The following COPS3 variants were observed in gnomAD, a reference collection of about 807,000 sequenced individuals.
COPS3 encodes the protein COP9 signalosome subunit 3.
Under a neutral mutation model 58.2 loss-of-function variants are expected in COPS3, and 10 were observed. The observed-to-expected ratio is 0.17, with a 90% CI of 0.11 to 0.29. The LOEUF is 0.29. Ranked by LOEUF, COPS3 falls within the 10% of genes least tolerant of loss-of-function variation. The pLI, the probability that COPS3 is intolerant of heterozygous loss-of-function variation, is 1.00. For missense variants in COPS3, 333 were observed against 510.1 expected, an observed-to-expected ratio of 0.65 and a Z score of 3.34; for synonymous variants, 187 against 181.7, an observed-to-expected ratio of 1.03 and a Z score of -0.24.
chr17:17,273,192 A>G (rs2048388727), intron 2 of COPS3, among the ~76,000 whole-genome samples: 1 of 152,202 alleles, frequency 6.6e-6, no homozygotes, highest in Non-Finnish European at 1.5e-5. Flanking sequence ...ATGTGTCCGG[A>G]GCAGAGTTTA....
intron 8 of COPS3, among the ~76,000 whole-genome samples, chr17:17,258,695 G>T (rs1597671667): frequency 6.6e-6 from 1 of 152,078 alleles, no homozygotes; most frequent in Admixed American, 6.6e-5. Flanking sequence ...GGGCCAAAAA[G>T]AAAATTTTAT....
intron 8 of COPS3, among the ~76,000 whole-genome samples, chr17:17,256,953 C>G (rs1181295474): frequency 1.3e-5 from 2 of 151,990 alleles, no homozygotes; most frequent in African/African-American, 4.8e-5. Flanking sequence ...AGAATAGTAC[C>G]CAAGAAATTG....
At chr17:17,272,308 A>T (rs1295798223) in intron 2 of COPS3, among the ~76,000 whole-genome samples, 2 of 151,978 alleles carry the variant, frequency 1.3e-5, no homozygotes, top group Non-Finnish European at 2.9e-5. Flanking sequence ...CTGTAATCCC[A>T]CCTATTTGGG....
chr17:17,277,688 G>C (rs2048489739), intron 1 of COPS3, among the ~76,000 whole-genome samples: 8 of 152,138 alleles, frequency 5.3e-5, no homozygotes, highest in Admixed American at 5.2e-4. Context: ...CCAAAGTGCT[G>C]GGATTAGAGG....
intron 1 of COPS3, among the ~76,000 whole-genome samples, chr17:17,276,434 C>T (rs2048463071): frequency 1.1e-5 from 1 of 88,174 alleles, no homozygotes; most frequent in South Asian, 3.9e-4. Flanking sequence ...TCTCCCAAGC[C>T]AGAAATGCAC....
At chr17:17,265,193 G>C (rs544291821) in intron 5 of COPS3, among the ~76,000 whole-genome samples, 1 of 152,266 alleles carries the variant, frequency 6.6e-6, no homozygotes, top group East Asian at 1.9e-4. Flanking sequence ...AATATTTGCA[G>C]AATACATACC....
intron 7 of COPS3, 62 bp downstream of exon 7, chr17:17,261,904 T>C: frequency 1.4e-6 from 2 of 1,427,364 alleles, no homozygotes. Flanking sequence ...ACTGTATCAT[T>C]GCAATTTCTT....
rs200374983 is a variant in COPS3, at chr17:17,249,068, A to G, written c.1024-29T>C. 1.1e-4 allele frequency: 158 copies of G among 1,377,474 alleles called. No homozygotes were observed. The African/African-American group carries it at 2.0e-3, about 18-fold the overall frequency. The allele number at this position is 1,377,474 out of a possible 1,614,324, so 85.3% of individuals were successfully genotyped here. ...CAGAAAGAAAAAAAAAAAAATCAGG[A>G]AAGCAGTTTAGACCTGAATGCTATA... is the stretch of plus-strand genomic sequence containing the variant. On this transcript the variant is annotated intron_variant, in intron 9 of 11. Transcript: ENST00000268717.
At chr17:17,261,462 G>A in intron 7 of COPS3, 1 of 231,352 alleles carries the variant, frequency 4.3e-6, no homozygotes, top group Admixed American at 5.5e-5. Flanking sequence ...GGAGGCAGAG[G>A]TTGCAGTGAG....
intron 2 of COPS3, among the ~76,000 whole-genome samples, chr17:17,275,347 A>G (rs1240732911): frequency 6.6e-6 from 1 of 151,944 alleles, no homozygotes; most frequent in East Asian, 1.9e-4. Context: ...TCTGCCTCCC[A>G]AAATGTTGGG....
At chr17:17,274,127 G>A (rs1017102806) in intron 2 of COPS3, among the ~76,000 whole-genome samples, 2 of 152,204 alleles carry the variant, frequency 1.3e-5, no homozygotes, top group African/African-American at 4.8e-5. Context: ...GTTTACCGTT[G>A]TATATGTTAG....
chr17:17,250,782 T>TGCAC (rs1171651333), intron 9 of COPS3, among the ~76,000 whole-genome samples: 1 of 152,238 alleles, frequency 6.6e-6, no homozygotes, highest in Non-Finnish European at 1.5e-5. Context: ...CCTACTTGTC[T>TGCAC]CTAGCTTTGG....
chr17:17,264,793 A>G lies in COPS3; in HGVS notation c.621+9T>C, dbSNP rs1450559470. 6 of 1,591,804 alleles carry G rather than the reference A, an allele frequency of 3.8e-6. No individual in the cohort carries two copies. The African/African-American group carries it at 5.5e-5, about 14-fold the overall frequency. On this transcript the variant is annotated intron_variant, in intron 6 of 11. Coordinates refer to ENST00000268717, the MANE Select transcript of COPS3 (RefSeq NM_003653.4). ...CAGAACAACCTCAGCTAATTTTTAG[A>G]GAGATTACCTGTTCATAAAAGTAGA...
intron 4 of COPS3, among the ~76,000 whole-genome samples, chr17:17,270,511 A>G: frequency 6.6e-6 from 1 of 152,120 alleles, no homozygotes; most frequent in Non-Finnish European, 1.5e-5. Flanking sequence ...CTGGCTTGGT[A>G]ATTCCAACTA....
chr17:17,266,573 C>T (rs777498548), intron 5 of COPS3, among the ~76,000 whole-genome samples: 5 of 151,664 alleles, frequency 3.3e-5, no homozygotes, highest in South Asian at 2.1e-4. Context: ...CTGAGGTGGG[C>T]GGATCGCTTG....
At chr17:17,278,724 G>T (rs1270605183) in intron 1 of COPS3, among the ~76,000 whole-genome samples, 1 of 152,034 alleles carries the variant, frequency 6.6e-6, no homozygotes, top group Non-Finnish European at 1.5e-5. Context: ...TCAGTGCCCA[G>T]TTGAGACTGA....
At chr17:17,262,945 G>A (rs1019793229) in intron 6 of COPS3, among the ~76,000 whole-genome samples, 2 of 151,338 alleles carry the variant, frequency 1.3e-5, no homozygotes, top group East Asian at 4.1e-4. Flanking sequence ...ACCCAGGCTG[G>A]AGTGCAGTGG....
chr17:17,251,215 C>T (rs999817972), intron 9 of COPS3, among the ~76,000 whole-genome samples: 3 of 151,626 alleles, frequency 2.0e-5, no homozygotes, highest in Non-Finnish European at 1.5e-5. Flanking sequence ...AGGATGCTCT[C>T]GATCTCCTGA....
intron 8 of COPS3, among the ~76,000 whole-genome samples, chr17:17,257,637 A>C (rs576411298): frequency 6.6e-6 from 1 of 151,060 alleles, no homozygotes; most frequent in East Asian, 2.0e-4. Flanking sequence ...CTCTACTAAA[A>C]ATACAAACAA....
Sources: gnomAD v4.1 joint callset for allele counts (sites outside exome capture counted in the v4.1 genomes callset) on GRCh38, gnomAD v4.1.1 for gene constraint, MANE v1.5 for transcripts, NCBI Gene and HGNC (gene_info 2026-07-23, HGNC 2026-07-21) for gene names.